The following HPSE2 variants were observed in gnomAD, a reference collection of about 807,000 sequenced individuals.
HPSE2 encodes the protein inactive heparanase-2.
A neutral mutation model predicts 60.5 loss-of-function variants in HPSE2; 38 were observed. The ratio of observed to expected loss-of-function variants is 0.63; its 90% CI spans 0.48 to 0.82. The LOEUF (loss-of-function observed/expected upper bound fraction) is 0.82. Ranked by LOEUF, HPSE2 falls within the 40% of genes least tolerant of loss-of-function variation. The probability of loss-of-function intolerance (pLI) is 0.00; values close to 1 mark genes in which losing one functional copy is unlikely to be tolerated. For synonymous variants in HPSE2, 295 were observed against 293.2 expected, an observed-to-expected ratio of 1.01 and a Z score of -0.06; for missense variants, 713 against 740.4, an observed-to-expected ratio of 0.96 and a Z score of 0.43.
the HPSE2 span, among the ~76,000 whole-genome samples, chr10:99,308,310 G>A: frequency 1.4e-5 from 2 of 143,804 alleles, no homozygotes; most frequent in African/African-American, 2.6e-5. Flanking sequence ...ACTGCTTGAG[G>A]TGGAGGTTGC....
intron 3 of HPSE2, among the ~76,000 whole-genome samples, chr10:98,925,246 T>C (rs1213967542): frequency 6.6e-6 from 1 of 152,230 alleles, no homozygotes. Flanking sequence ...GGCTTTTCTG[T>C]GTACAGATAG....
intron 9 of HPSE2, among the ~76,000 whole-genome samples, chr10:98,577,774 CT>C (rs1944682767): frequency 1.3e-5 from 2 of 152,154 alleles, no homozygotes; most frequent in African/African-American, 4.8e-5. Flanking sequence ...CAGTGCTCCC[CT>C]GAGCCCTGTT....
chr10:98,591,994 A>C (rs945530538), intron 9 of HPSE2, among the ~76,000 whole-genome samples: 29 of 152,212 alleles, frequency 1.9e-4, no homozygotes, highest in African/African-American at 6.5e-4. Flanking sequence ...TGGATGGCTC[A>C]TGATGCATTT....
chr10:98,554,196 C>A (rs894706942), intron 9 of HPSE2, among the ~76,000 whole-genome samples: 2 of 152,206 alleles, frequency 1.3e-5, no homozygotes, highest in Non-Finnish European at 2.9e-5. Flanking sequence ...TGCACACTGT[C>A]TCCTCTCCAT....
At chr10:99,241,206 GTGGCTAAAGTAT>G in the HPSE2 span, among the ~76,000 whole-genome samples, 2 of 152,196 alleles carry the variant, frequency 1.3e-5, no homozygotes, top group Admixed American at 6.5e-5. Context: ...GTCAACACAA[GTGGCTAAAGTAT>G]TGTATAACCC....
At chr10:98,823,918 G>A (rs1951481954) in intron 3 of HPSE2, among the ~76,000 whole-genome samples, 1 of 152,060 alleles carries the variant, frequency 6.6e-6, no homozygotes, top group African/African-American at 2.4e-5. Flanking sequence ...AAAAATGCAT[G>A]CTTTTCAATC....
intron 6 of HPSE2, among the ~76,000 whole-genome samples, chr10:98,643,748 A>G (rs1946696834): frequency 6.6e-6 from 1 of 152,194 alleles, no homozygotes; most frequent in Non-Finnish European, 1.5e-5. Flanking sequence ...CATGAAAGCC[A>G]GGCATGTTGA....
intron 3 of HPSE2, among the ~76,000 whole-genome samples, chr10:98,847,388 A>G (rs532840557): frequency 6.6e-6 from 1 of 152,290 alleles, no homozygotes; most frequent in African/African-American, 2.4e-5. Flanking sequence ...TATTATCCTC[A>G]TTTGATAGAG....
At chr10:98,580,836 A>ATG (rs1244040035) in intron 9 of HPSE2, among the ~76,000 whole-genome samples, 38,185 of 119,528 alleles carry the variant, frequency 0.32, 5,713 homozygotes, top group East Asian at 0.5. Flanking sequence ...ATATATATAT[A>ATG]TGTGTGTGTG....
At chr10:98,804,105 A>T (rs2134540668) in intron 3 of HPSE2, among the ~76,000 whole-genome samples, 1 of 152,264 alleles carries the variant, frequency 6.6e-6, no homozygotes, top group South Asian at 2.1e-4. Context: ...GAGTTCACTC[A>T]TGATTTGGCC....
the HPSE2 span, among the ~76,000 whole-genome samples, chr10:99,248,218 G>C: frequency 1.3e-5 from 2 of 152,210 alleles, no homozygotes; most frequent in African/African-American, 2.4e-5. Flanking sequence ...AAACCTCCTA[G>C]AGCCTTGTTA....
intron 9 of HPSE2, among the ~76,000 whole-genome samples, chr10:98,497,259 A>C (rs572769015): frequency 4.6e-5 from 7 of 152,154 alleles, no homozygotes; most frequent in Non-Finnish European, 1.0e-4. Context: ...TTTCCTCATC[A>C]ACATTACAAT....
At chr10:98,671,206 A>T (rs188153484) in intron 6 of HPSE2, among the ~76,000 whole-genome samples, 1 of 152,280 alleles carries the variant, frequency 6.6e-6, no homozygotes, top group Admixed American at 6.5e-5. Context: ...CTACACGAGG[A>T]ACATAAAATC....
At chr10:98,726,791 G>C (rs1465180575) in intron 4 of HPSE2, among the ~76,000 whole-genome samples, 1 of 151,910 alleles carries the variant, frequency 6.6e-6, no homozygotes, top group Admixed American at 6.6e-5. Flanking sequence ...TAGAAGTGTG[G>C]ATAGTAGGAG....
intron 9 of HPSE2, among the ~76,000 whole-genome samples, chr10:98,510,626 G>A (rs966913486): frequency 8.5e-5 from 13 of 152,220 alleles, no homozygotes; most frequent in African/African-American, 1.2e-4. Context: ...GGGAAACTGC[G>A]TTGTGGCCCT....
intron 5 of HPSE2, among the ~76,000 whole-genome samples, chr10:98,705,663 C>T (rs10159875): frequency 0.23 from 35,256 of 152,044 alleles, 4,722 homozygotes; most frequent in African/African-American, 0.36. Context: ...GAACAGAAAA[C>T]CAAACACTGC....
chr10:99,227,057 G>A (rs1849496778), intron 2 of HPSE2, among the ~76,000 whole-genome samples: 1 of 151,988 alleles, frequency 6.6e-6, no homozygotes, highest in African/African-American at 2.4e-5. Context: ...ATAAGTTCAA[G>A]GCAAATATGT....
At chr10:99,064,154 T>C (rs976293988) in intron 3 of HPSE2, among the ~76,000 whole-genome samples, 1 of 152,050 alleles carries the variant, frequency 6.6e-6, no homozygotes, top group African/African-American at 2.4e-5. Flanking sequence ...ATGATATCTA[T>C]TCCAGGGAAA....
intron 3 of HPSE2, among the ~76,000 whole-genome samples, chr10:98,934,348 T>C (rs1279251431): frequency 1.4e-5 from 2 of 144,472 alleles, no homozygotes; most frequent in Non-Finnish European, 3.0e-5. Flanking sequence ...TGCAGACTTG[T>C]TAATGTAGTT....
Sources: gnomAD v4.1 joint callset for allele counts (sites outside exome capture counted in the v4.1 genomes callset) on GRCh38, gnomAD v4.1.1 for gene constraint, MANE v1.5 for transcripts, NCBI Gene and HGNC (gene_info 2026-07-23, HGNC 2026-07-21) for gene names.